SRSF10: variants seen among roughly 807,000 people sequenced by gnomAD.
SRSF10 encodes serine and arginine rich splicing factor 10, also known as serine/arginine-rich splicing factor 10.
SRSF10 carries 9 observed loss-of-function variants against 32.6 expected under a neutral mutation model. The observed-to-expected ratio is 0.28, with a 90% CI of 0.17 to 0.48. SRSF10 has a LOEUF of 0.48. Among genes scored for constraint, SRSF10 ranks in the 20% least tolerant of loss-of-function variants. The pLI, the probability that SRSF10 is intolerant of heterozygous loss-of-function variation, is 0.99. For synonymous variants in SRSF10, 105 were observed against 112.4 expected, an observed-to-expected ratio of 0.93 and a Z score of 0.42; for missense variants, 201 against 331.8, an observed-to-expected ratio of 0.61 and a Z score of 3.06.
Position 23,967,512 on chromosome 1 carries a change from G to T in SRSF10, c.*3630C>A. ...TCCTAAAATGCTTACTTTCAAACTT[G>T]AAGGGACTTCAATTATTCCATGTAG... On this transcript the variant is annotated 3_prime_UTR_variant, in exon 6 of 6. Coordinates refer to ENST00000492112, the MANE Select transcript of SRSF10 (RefSeq NM_054016.4). 2.0e-6 allele frequency: 1 copy of T among 511,054 alleles called. No homozygotes were observed. The highest frequency in any genetic ancestry group is 3.5e-6 in the Non-Finnish European group (1 of 284,884). 31.7% of individuals were successfully genotyped at this position (511,054 alleles called of 1,614,324 possible). A position where few individuals can be genotyped will look rare whatever the true frequency, so the allele number is the denominator to read the frequency against.
intron 4 of SRSF10, 47 bp from the exon 5 acceptor site, chr1:23,971,673 G>A (rs774746386): frequency 6.9e-6 from 11 of 1,584,736 alleles, no homozygotes; most frequent in South Asian, 1.2e-5. Context: ...TATTCATAGA[G>A]GCAAAGTTTC....
In SRSF10 at chr1:23,970,255, A is replaced by T. The variant is rs1191467501; in HGVS notation, c.*887T>A. 3.0e-6 allele frequency: 3 copies of T among 985,420 alleles called. No homozygotes were observed. Among genetic ancestry groups the T allele is most frequent in the Non-Finnish European group, 3.6e-6 (3 of 829,924 alleles). The allele number at this position is 985,420 out of a possible 1,614,324, so 61.0% of individuals were successfully genotyped here. A position where few individuals can be genotyped will look rare whatever the true frequency, so the allele number is the denominator to read the frequency against. ...AAAAGCAGTGAAGGCTCCATGTTTCAGTCAAAAACTCAATTTCCCAGCTGG... is the reference window on the plus strand; with the variant it reads ...AAAAGCAGTGAAGGCTCCATGTTTCTGTCAAAAACTCAATTTCCCAGCTGG... On this transcript the variant is annotated 3_prime_UTR_variant, in exon 6 of 6. Coordinates refer to ENST00000492112, the MANE Select transcript of SRSF10 (RefSeq NM_054016.4).
In SRSF10 at chr1:23,971,783, T is replaced by TA. The variant is rs555665769; in HGVS notation, c.437+66dup. ...ATATAATTAAAAGTATACAAAATAGTAAAAAAAAATTAAATGCTAACAAAT... is the reference window on the plus strand; with the variant it reads ...ATATAATTAAAAGTATACAAAATAGTAAAAAAAAAATTAAATGCTAACAAAT... On this transcript the variant is annotated intron_variant, in intron 4 of 5. Transcript: ENST00000492112. 2.6e-3 allele frequency: 3,942 copies of TA among 1,498,942 alleles called. 59 individuals are homozygous for TA. The African/African-American group carries it at 0.037, about 14-fold the overall frequency. 92.9% of individuals were successfully genotyped at this position (1,498,942 alleles called of 1,614,324 possible). A position where few individuals can be genotyped will look rare whatever the true frequency, so the allele number is the denominator to read the frequency against.
chr1:23,974,263 C>A (rs1019246329), intron 3 of SRSF10, among the ~76,000 whole-genome samples: 7 of 152,144 alleles, frequency 4.6e-5, no homozygotes, highest in Non-Finnish European at 7.3e-5. Flanking sequence ...CTGCACCCTG[C>A]GGTTATTTTA....
rs1444991507 is a variant in SRSF10 at position 23,970,519 on chromosome 1, C to T, written c.*623G>A. 4.0e-6 allele frequency: 2 copies of T among 504,924 alleles called. No homozygotes were observed. The highest frequency in any genetic ancestry group is 5.1e-6 in the Non-Finnish European group (2 of 391,950). The allele number at this position is 504,924 out of a possible 1,614,324, so 31.3% of individuals were successfully genotyped here. A position where few individuals can be genotyped will look rare whatever the true frequency, so the allele number is the denominator to read the frequency against. On this transcript the variant is annotated 3_prime_UTR_variant, in exon 6 of 6. Coordinates refer to ENST00000492112, the MANE Select transcript of SRSF10 (RefSeq NM_054016.4). ...GAGATTACAGGCATGTGCCACCATGCCCGGATAATTTTTGTATTTTTAGTA... is the reference window on the plus strand; with the variant it reads ...GAGATTACAGGCATGTGCCACCATGTCCGGATAATTTTTGTATTTTTAGTA...
intron 5 of SRSF10, 47 bp from the exon 6 acceptor site, chr1:23,971,486 A>G (rs1352402445): frequency 1.4e-5 from 23 of 1,586,798 alleles, no homozygotes; most frequent in African/African-American, 1.2e-4. Context: ...ATTAGATTCT[A>G]TATTAATCAA....
chr1:23,967,685 T>G lies in SRSF10; in HGVS notation c.*3457A>C. On this transcript the variant is annotated 3_prime_UTR_variant, in exon 6 of 6. Coordinates refer to ENST00000492112, the MANE Select transcript of SRSF10 (RefSeq NM_054016.4). ...CTTTCAGATCTTTCTTGAAGTGTAG[T>G]AAGCAGAACTGTACTGGGTATTCCA... 10 of 1,596,168 alleles carry G rather than the reference T, an allele frequency of 6.3e-6. No homozygotes were observed. The highest frequency in any genetic ancestry group is 8.6e-6 in the Non-Finnish European group (10 of 1,163,814).
chr1:23,971,045 T>A lies in SRSF10; in HGVS notation c.*97A>T. 3 of 1,505,854 alleles carry A rather than the reference T, an allele frequency of 2.0e-6. No individual in the cohort carries two copies. Among genetic ancestry groups the A allele is most frequent in the Non-Finnish European group, 2.6e-6 (3 of 1,132,432 alleles). 93.3% of individuals were successfully genotyped at this position (1,505,854 alleles called of 1,614,324 possible). On this transcript the variant is annotated 3_prime_UTR_variant, in exon 6 of 6. Transcript: ENST00000492112. ...ACAGGGAAAACTAACAAGTGTTTTT[T>A]AAGCATCATTGCAACATTGTATTCC...
intron 2 of SRSF10, chr1:23,977,029 G>A (rs1256156714): frequency 6.6e-6 from 1 of 152,106 alleles, no homozygotes; most frequent in Non-Finnish European, 1.5e-5. Flanking sequence ...GTAAAATGAG[G>A]TCTATGTTGT....
In SRSF10 at chr1:23,965,712, GC is replaced by G. The variant is rs2148491212; in HGVS notation, c.*5429del. ...ATTCAACAGATGCAAAAATTAAAGG[GC>G]CTTTTCTGATTTACCATAATTAAAT... is the stretch of plus-strand genomic sequence containing the variant. On this transcript the variant is annotated 3_prime_UTR_variant, in exon 6 of 6. Coordinates refer to ENST00000492112, the MANE Select transcript of SRSF10 (RefSeq NM_054016.4). 6.6e-6 allele frequency: 1 copy of G among 151,886 alleles called. No individual in the cohort carries two copies. The highest frequency in any genetic ancestry group is 2.4e-5 in the African/African-American group (1 of 41,464). 9.4% of individuals were successfully genotyped at this position (151,886 alleles called of 1,614,324 possible).
At position 23,968,241 on chromosome 1, in the gene SRSF10, T is replaced by G. The variant is rs1309396917; in HGVS notation, c.*2901A>C. On this transcript the variant is annotated 3_prime_UTR_variant, in exon 6 of 6. Transcript: ENST00000492112. ...GGTGTGTCGCTTTAGGAACAACATATAAGATTCTCAATAGTCCAAGTCTAA... is the reference window on the plus strand; with the variant it reads ...GGTGTGTCGCTTTAGGAACAACATAGAAGATTCTCAATAGTCCAAGTCTAA... Among the ~76,000 whole-genome samples, 1 of 152,232 alleles carries G rather than the reference T, an allele frequency of 6.6e-6. No homozygotes were observed. The highest frequency in any genetic ancestry group is 2.1e-4 in the South Asian group (1 of 4,824).
At chr1:23,975,281 T>C in intron 2 of SRSF10, 1 of 531,888 alleles carries the variant, frequency 1.9e-6, no homozygotes, top group Admixed American at 3.5e-5. Context: ...AAGGCACACA[T>C]TTGAAAATGT....
chr1:23,970,155 C>T lies in SRSF10; in HGVS notation c.*987G>A, dbSNP rs1641657688. 2 of 985,194 alleles carry T rather than the reference C, an allele frequency of 2.0e-6. No individual in the cohort carries two copies. The highest frequency in any genetic ancestry group is 2.4e-6 in the Non-Finnish European group (2 of 829,920). The allele number at this position is 985,194 out of a possible 1,614,324, so 61.0% of individuals were successfully genotyped here. On this transcript the variant is annotated 3_prime_UTR_variant, in exon 6 of 6. Coordinates refer to ENST00000492112, the MANE Select transcript of SRSF10 (RefSeq NM_054016.4). ...TCCTTTTTCCTTAAAATTATTTTTGCCATCAACGACCTGCTCAAATTTTAA... is the reference window on the plus strand; with the variant it reads ...TCCTTTTTCCTTAAAATTATTTTTGTCATCAACGACCTGCTCAAATTTTAA...
At position 23,970,963 on chromosome 1, in the gene SRSF10, G is replaced by A. The variant is rs1441109168; in HGVS notation, c.*179C>T. The stretch of plus-strand genomic sequence containing the variant: ...GCTGCCCATAACATTAAACAAACTG[G>A]ACTCTTAAGAGTGGCTTCTCAACAG... On this transcript the variant is annotated 3_prime_UTR_variant, in exon 6 of 6. Transcript: ENST00000492112. 1 of 1,350,656 alleles carries A rather than the reference G, an allele frequency of 7.4e-7. No individual in the cohort carries two copies. The highest frequency in any genetic ancestry group is 1.5e-5 in the African/African-American group (1 of 67,216). The allele number at this position is 1,350,656 out of a possible 1,614,324, so 83.7% of individuals were successfully genotyped here.
At position 23,966,228 on chromosome 1, in the gene SRSF10, T is replaced by C. The variant is rs1641441587; in HGVS notation, c.*4914A>G. On this transcript the variant is annotated 3_prime_UTR_variant, in exon 6 of 6. Coordinates refer to ENST00000492112, the MANE Select transcript of SRSF10 (RefSeq NM_054016.4). Reference sequence around the variant, plus strand: ...TTCTAAAATAAAATACAAACAATAATACCTCCATTTCACACCTCCCTTGAA... The same window carrying C: ...TTCTAAAATAAAATACAAACAATAACACCTCCATTTCACACCTCCCTTGAA... The C allele has an allele frequency of 1.3e-5, 2 of 151,826 alleles. No homozygotes were observed. Among genetic ancestry groups the C allele is most frequent in the Non-Finnish European group, 3.0e-5 (2 of 67,774 alleles). The allele number at this position is 151,826 out of a possible 1,614,324, so 9.4% of individuals were successfully genotyped here.
At chr1:23,972,694 G>A (rs367919824) in intron 3 of SRSF10, among the ~76,000 whole-genome samples, 1,748 of 151,108 alleles carry the variant, frequency 0.012, 33 homozygotes, top group African/African-American at 0.038. Context: ...CACCCGCCTC[G>A]GCCTCCCGAA....
In SRSF10 at chr1:23,980,327, C is replaced by G. The variant is rs1642388711; in HGVS notation, c.-72G>C. 4.5e-6 allele frequency: 6 copies of G among 1,335,142 alleles called. No homozygotes were observed. The African/African-American group carries it at 4.6e-5, about 10-fold the overall frequency. 82.7% of individuals were successfully genotyped at this position (1,335,142 alleles called of 1,614,324 possible). A position where few individuals can be genotyped will look rare whatever the true frequency, so the allele number is the denominator to read the frequency against. On this transcript the variant is annotated 5_prime_UTR_variant, in exon 1 of 6. Coordinates refer to ENST00000492112, the MANE Select transcript of SRSF10 (RefSeq NM_054016.4). ...GTCCGCGGCTCAGGCGGCCGAGCCT[C>G]AGACACACACAGCTAGAGGGCTCTG...
chr1:23,972,279 C>G (rs750072696), intron 3 of SRSF10, among the ~76,000 whole-genome samples: 79 of 151,988 alleles, frequency 5.2e-4, no homozygotes, highest in Non-Finnish European at 1.0e-3. Flanking sequence ...GTGGCTTGCA[C>G]ATGTATTCCA....
chr1:23,979,989 G>A, intron 1 of SRSF10, among the ~76,000 whole-genome samples: 1 of 152,218 alleles, frequency 6.6e-6, no homozygotes, highest in South Asian at 2.1e-4. Flanking sequence ...CCGCCACGCG[G>A]CCCGGCGAAG....
Sources: allele counts gnomAD v4.1 joint callset (sites outside exome capture counted in the v4.1 genomes callset), GRCh38; gene constraint gnomAD v4.1.1; transcripts MANE v1.5; gene names NCBI Gene and HGNC (gene_info 2026-07-23, HGNC 2026-07-21).